The following WDR70 variants were observed in gnomAD, a reference collection of about 807,000 sequenced individuals.
WDR70 encodes the protein WD repeat-containing protein 70.
In WDR70, 53 loss-of-function variants were observed where a neutral mutation model predicts 88.6. The observed-to-expected ratio is 0.60, with a 90% CI of 0.48 to 0.75. WDR70 has a LOEUF of 0.75. Ranked by LOEUF, WDR70 falls within the 30% of genes least tolerant of loss-of-function variation. The probability of loss-of-function intolerance (pLI) is 0.00; values close to 1 mark genes in which losing one functional copy is unlikely to be tolerated. For synonymous variants in WDR70, 280 were observed against 270.0 expected, an observed-to-expected ratio of 1.04 and a Z score of -0.36; for missense variants, 610 against 823.2, an observed-to-expected ratio of 0.74 and a Z score of 3.17.
At chr5:37,586,419 T>A (rs1438665940) in intron 9 of WDR70, among the ~76,000 whole-genome samples, 1 of 152,190 alleles carries the variant, frequency 6.6e-6, no homozygotes, top group Admixed American at 6.5e-5. Flanking sequence ...ACCTTTTTTT[T>A]ATTATTATAC....
At position 37,526,985 on chromosome 5, in the gene WDR70, A is replaced by T. The variant is rs555322058; in HGVS notation, c.917+10395A>T. On this transcript the variant is annotated intron_variant, in intron 9 of 17. Transcript: ENST00000265107. The stretch of plus-strand genomic sequence containing the variant: ...ACTGCTCAATGAAATGAAAGAGGAC[A>T]CAAAGAAATGGAAGAACATTCCATG... Among the ~76,000 whole-genome samples, 5 of 152,360 alleles carry T rather than the reference A, an allele frequency of 3.3e-5. No individual in the cohort carries two copies. The East Asian group carries it at 9.6e-4, about 29-fold the overall frequency.
intron 9 of WDR70, among the ~76,000 whole-genome samples, chr5:37,554,653 TACTC>T (rs1015226058): frequency 6.4e-5 from 9 of 140,876 alleles, no homozygotes; most frequent in African/African-American, 8.1e-5. Flanking sequence ...CACACACACA[TACTC>T]ACACACGCAT....
At chr5:37,394,232 G>A (rs1748938214) in intron 4 of WDR70, among the ~76,000 whole-genome samples, 1 of 150,152 alleles carries the variant, frequency 6.7e-6, no homozygotes, top group Non-Finnish European at 1.5e-5. Context: ...TTGAACCCAG[G>A]ACGGGGAGTG....
At chr5:37,526,017 G>A (rs1035539444) in intron 9 of WDR70, among the ~76,000 whole-genome samples, 13 of 152,120 alleles carry the variant, frequency 8.5e-5, no homozygotes, top group Admixed American at 8.5e-4. Context: ...AAGAAGTCCA[G>A]GACCAGATGG....
At chr5:37,424,159 A>C (rs1385841189) in intron 5 of WDR70, among the ~76,000 whole-genome samples, 31 of 149,950 alleles carry the variant, frequency 2.1e-4, no homozygotes, top group Non-Finnish European at 4.0e-4. Context: ...AAAAAAAAAA[A>C]AAAAAAAAAA....
At chr5:37,727,318 C>T (rs1327206172) in intron 17 of WDR70, among the ~76,000 whole-genome samples, 2 of 152,080 alleles carry the variant, frequency 1.3e-5, no homozygotes, top group African/African-American at 4.8e-5. Flanking sequence ...TTAAAACAAA[C>T]AACAAACAAA....
At chr5:37,463,210 T>C (rs942771158) in intron 7 of WDR70, among the ~76,000 whole-genome samples, 24 of 151,964 alleles carry the variant, frequency 1.6e-4, no homozygotes, top group African/African-American at 5.8e-4. Flanking sequence ...AGGTGGTGGT[T>C]GCAGTGAGCT....
intron 8 of WDR70, among the ~76,000 whole-genome samples, chr5:37,484,392 A>G (rs965276018): frequency 2.0e-5 from 3 of 152,182 alleles, no homozygotes; most frequent in African/African-American, 4.8e-5. Context: ...GTCTCCACCA[A>G]AAAAATATGA....
intron 13 of WDR70, among the ~76,000 whole-genome samples, chr5:37,710,732 A>G (rs1199536951): frequency 6.6e-6 from 1 of 152,230 alleles, no homozygotes; most frequent in Non-Finnish European, 1.5e-5. Flanking sequence ...GGCAAAAGGA[A>G]AACTCAGTTG....
chr5:37,384,168 C>T (rs1000920199), intron 3 of WDR70, among the ~76,000 whole-genome samples: 3 of 112,524 alleles, frequency 2.7e-5, no homozygotes, highest in African/African-American at 1.0e-4. Flanking sequence ...TCAGTACTTT[C>T]CCCCCTTTTT....
chr5:37,629,847 A>T (rs978331981), intron 10 of WDR70, among the ~76,000 whole-genome samples: 1 of 151,732 alleles, frequency 6.6e-6, no homozygotes, highest in African/African-American at 2.4e-5. Context: ...TCGCTTTTTC[A>T]TTATTCTGTG....
At chr5:37,420,193 T>G (rs1240455592) in intron 5 of WDR70, among the ~76,000 whole-genome samples, 1 of 152,114 alleles carries the variant, frequency 6.6e-6, no homozygotes, top group Non-Finnish European at 1.5e-5. Context: ...ACCCAGTCTC[T>G]ACAAAATAAA....
At chr5:37,598,106 T>C (rs1208483509) in intron 9 of WDR70, among the ~76,000 whole-genome samples, 1 of 152,220 alleles carries the variant, frequency 6.6e-6, no homozygotes, top group Non-Finnish European at 1.5e-5. Flanking sequence ...GAATGTATTC[T>C]GTATCACTTA....
At chr5:37,679,516 G>A (rs1375308188) in intron 10 of WDR70, among the ~76,000 whole-genome samples, 1 of 152,174 alleles carries the variant, frequency 6.6e-6, no homozygotes, top group Non-Finnish European at 1.5e-5. Context: ...TGTTTGCCTG[G>A]GTATCAGCAG....
At chr5:37,730,821 A>G (rs1336932879) in intron 17 of WDR70, among the ~76,000 whole-genome samples, 2 of 152,118 alleles carry the variant, frequency 1.3e-5, no homozygotes, top group Admixed American at 6.6e-5. Context: ...AACCAACTCA[A>G]TCTTTATACT....
At chr5:37,646,319 A>G (rs1278433436) in intron 10 of WDR70, among the ~76,000 whole-genome samples, 1 of 151,922 alleles carries the variant, frequency 6.6e-6, no homozygotes, top group African/African-American at 2.4e-5. Flanking sequence ...TACTATTTAT[A>G]TTTTTTGTAC....
chr5:37,411,159 C>T (rs1248585120), intron 5 of WDR70, among the ~76,000 whole-genome samples: 1 of 146,760 alleles, frequency 6.8e-6, no homozygotes, highest in African/African-American at 2.4e-5. Flanking sequence ...TAAGGTCTTG[C>T]TGTGTTGCTC....
intron 10 of WDR70, among the ~76,000 whole-genome samples, chr5:37,680,455 C>T (rs1746392602): frequency 6.6e-6 from 1 of 152,070 alleles, no homozygotes; most frequent in African/African-American, 2.4e-5. Flanking sequence ...TTGGCATGTT[C>T]ATCATGAAAT....
intron 15 of WDR70, chr5:37,724,115 C>T (rs1455500667): frequency 4.6e-5 from 7 of 152,138 alleles, no homozygotes; most frequent in South Asian, 2.1e-4. Context: ...TTAATCTGCA[C>T]GTAAGAGTCA....
Sources: allele counts gnomAD v4.1 joint callset (sites outside exome capture counted in the v4.1 genomes callset), GRCh38; gene constraint gnomAD v4.1.1; transcripts MANE v1.5; gene names NCBI Gene and HGNC (gene_info 2026-07-23, HGNC 2026-07-21).